Variants in RFFL observed in about 807,000 individuals in gnomAD.
RFFL encodes the protein ring finger and FYVE like domain containing E3 ubiquitin protein ligase, also known as E3 ubiquitin-protein ligase rififylin.
A neutral mutation model predicts 40.4 loss-of-function variants in RFFL; 16 were observed. That is an observed-to-expected ratio of 0.40 (90% CI 0.27 to 0.60). The LOEUF is 0.60. Among genes scored for constraint, RFFL ranks in the 20% least tolerant of loss-of-function variants. The pLI, the probability that RFFL is intolerant of heterozygous loss-of-function variation, is 0.47. For synonymous variants in RFFL, 154 were observed against 167.9 expected, an observed-to-expected ratio of 0.92 and a Z score of 0.64; for missense variants, 367 against 451.7, an observed-to-expected ratio of 0.81 and a Z score of 1.70.
rs2090943123 is a variant in RFFL at position 35,012,064 on chromosome 17, G to T, written c.996C>A (p.Gly332=). 6.2e-7 allele frequency: 1 copy of T among 1,614,152 alleles called. No homozygotes were observed. The highest frequency in any genetic ancestry group is 8.5e-7 in the Non-Finnish European group (1 of 1,180,020). ...CACACTTGGTACAGGTTACCATGTG[G>T]CCACACTCCAGAAGAACACAGTCAA... The part of the protein sequence containing the change: ...SPIDCVLLEC[G]HMVTCTKCGK... The change falls in exon 7 of 7, where the codon GGC becomes GGA. Residue 332 remains glycine, a synonymous_variant. Coordinates refer to ENST00000394597, the MANE Select transcript of RFFL (RefSeq NM_001017368.2).
At chr17:35,078,553 T>C (rs2091388492) in intron 1 of RFFL, among the ~76,000 whole-genome samples, 1 of 152,184 alleles carries the variant, frequency 6.6e-6, no homozygotes, top group Non-Finnish European at 1.5e-5. Flanking sequence ...CTGCCTGCCT[T>C]GGCCTCCCAA....
At chr17:35,026,088 T>C (rs918675567) in intron 2 of RFFL, among the ~76,000 whole-genome samples, 1 of 152,216 alleles carries the variant, frequency 6.6e-6, no homozygotes, top group African/African-American at 2.4e-5. Context: ...ATCATCCCCA[T>C]TTTATAACAG....
chr17:35,016,612 A>G, intron 4 of RFFL, 32 bp from the exon 5 acceptor site: 1 of 1,557,960 alleles, frequency 6.4e-7, no homozygotes, highest in Non-Finnish European at 8.8e-7. Flanking sequence ...CAGTGTGCTC[A>G]GCTCTTACCT....
chr17:35,036,995 C>T (rs142786779), intron 1 of RFFL, among the ~76,000 whole-genome samples: 173 of 152,318 alleles, frequency 1.1e-3, no homozygotes, highest in African/African-American at 3.9e-3. Flanking sequence ...AGGTTCTCAT[C>T]CAATCTATTC....
At chr17:35,055,555 T>C (rs60788407) in intron 1 of RFFL, among the ~76,000 whole-genome samples, 2 of 151,250 alleles carry the variant, frequency 1.3e-5, no homozygotes, top group African/African-American at 4.9e-5. Context: ...ACCTGTAGTC[T>C]AGCTACTCAG....
At chr17:35,022,405 A>G (rs968906760) in intron 2 of RFFL, among the ~76,000 whole-genome samples, 20 of 152,212 alleles carry the variant, frequency 1.3e-4, no homozygotes, top group African/African-American at 4.8e-4. Context: ...TGGTTGTTAC[A>G]ATTAATATTA....
intron 5 of RFFL, among the ~76,000 whole-genome samples, chr17:35,016,131 G>T (rs1268290838): frequency 6.6e-6 from 1 of 152,208 alleles, no homozygotes; most frequent in East Asian, 1.9e-4. Flanking sequence ...AGATAAAGGG[G>T]TGATGCTAAT....
Position 35,009,830 on chromosome 17 carries a change from A to G in RFFL, c.*2138T>C, listed in dbSNP as rs1209761133. 1.2e-4 allele frequency: 19 copies of G among 152,634 alleles called. No homozygotes were observed. The highest frequency in any genetic ancestry group is 1.2e-3 in the Admixed American group (18 of 15,270). The allele number at this position is 152,634 out of a possible 1,614,324, so 9.5% of individuals were successfully genotyped here. On this transcript the variant is annotated 3_prime_UTR_variant, in exon 7 of 7. Coordinates refer to ENST00000394597, the MANE Select transcript of RFFL (RefSeq NM_001017368.2). ...GAGAGCCAGCTTCTGCCCTTAAGTTACTGCTAGATCTTAGCTGAATTGCAC... is the reference window on the plus strand; with the variant it reads ...GAGAGCCAGCTTCTGCCCTTAAGTTGCTGCTAGATCTTAGCTGAATTGCAC...
intron 1 of RFFL, among the ~76,000 whole-genome samples, chr17:35,082,279 G>A (rs1449309257): frequency 6.6e-6 from 1 of 152,176 alleles, no homozygotes; most frequent in African/African-American, 2.4e-5. Flanking sequence ...GAGGGAAAAG[G>A]AGGAGACAGG....
rs917991376 is a variant in RFFL at position 35,009,783 on chromosome 17, C to G, written c.*2185G>C. 5.9e-5 allele frequency: 9 copies of G among 152,580 alleles called. No individual in the cohort carries two copies. The highest frequency in any genetic ancestry group is 5.9e-4 in the Admixed American group (9 of 15,282). The allele number at this position is 152,580 out of a possible 1,614,324, so 9.5% of individuals were successfully genotyped here. A position where few individuals can be genotyped will look rare whatever the true frequency, so the allele number is the denominator to read the frequency against. On this transcript the variant is annotated 3_prime_UTR_variant, in exon 7 of 7. Coordinates refer to ENST00000394597, the MANE Select transcript of RFFL (RefSeq NM_001017368.2). ...AACTGAAGAGGAGGTAAGGCTTCAG[C>G]AGAGAAAGCAGGTTGTAAGTAGAGA...
chr17:35,064,832 AG>A (rs1251428886), upstream of RFFL, among the ~76,000 whole-genome samples: 1 of 152,348 alleles, frequency 6.6e-6, no homozygotes, highest in East Asian at 1.9e-4. Flanking sequence ...ACAGAATTTG[AG>A]TTTAAAAACT....
intron 1 of RFFL, among the ~76,000 whole-genome samples, chr17:35,074,767 A>ATAG (rs1325786450): frequency 2.0e-5 from 3 of 152,248 alleles, no homozygotes; most frequent in African/African-American, 7.2e-5. Context: ...GAAGTATCAC[A>ATAG]TAGCAAAAGA....
intron 1 of RFFL, among the ~76,000 whole-genome samples, chr17:35,049,738 A>C (rs1192254351): frequency 6.6e-6 from 1 of 152,138 alleles, no homozygotes; most frequent in East Asian, 1.9e-4. Flanking sequence ...CTCAGAAAAC[A>C]CTCAAAAGAT....
intron 1 of RFFL, among the ~76,000 whole-genome samples, chr17:35,035,225 A>G (rs899932048): frequency 3.9e-5 from 6 of 152,088 alleles, no homozygotes; most frequent in African/African-American, 7.2e-5. Context: ...CCTGGCTAAC[A>G]TGGTGAAACC....
intron 1 of RFFL, among the ~76,000 whole-genome samples, chr17:35,078,838 G>C (rs2142384825): frequency 6.6e-6 from 1 of 152,124 alleles, no homozygotes; most frequent in Middle Eastern, 3.4e-3. Context: ...AAATTAGCTG[G>C]ATGTGGTGGC....
intron 1 of RFFL, among the ~76,000 whole-genome samples, chr17:35,063,235 C>G (rs1212899218): frequency 1.3e-5 from 2 of 151,968 alleles, no homozygotes; most frequent in Non-Finnish European, 2.9e-5. Context: ...GAGGGTGGAT[C>G]ACCTGAGCTT....
intron 1 of RFFL, among the ~76,000 whole-genome samples, chr17:35,030,409 T>C (rs2091075257): frequency 2.0e-5 from 3 of 151,696 alleles, no homozygotes. Flanking sequence ...TGGTATCTCA[T>C]TGTGGTTTTG....
At chr17:35,026,936 T>C (rs1489963281) in intron 1 of RFFL, among the ~76,000 whole-genome samples, 2 of 152,162 alleles carry the variant, frequency 1.3e-5, no homozygotes, top group Non-Finnish European at 2.9e-5. Context: ...ACTCCTGACC[T>C]TGTGATCGGC....
chr17:35,035,238 G>A lies in RFFL; in HGVS notation c.-8-8677C>T, dbSNP rs138038362. Among the ~76,000 whole-genome samples the A allele has an allele frequency of 3.3e-3, 509 of 152,010 alleles. 2 individuals are homozygous for A. Among genetic ancestry groups the A allele is most frequent in the African/African-American group, 0.012 (488 of 41,448 alleles). ...ATCCTGGCTAACATGGTGAAACCCC[G>A]TCTCTACTAAAAATACAAAAATTAG... On this transcript the variant is annotated intron_variant, in intron 1 of 6. Coordinates refer to ENST00000394597, the MANE Select transcript of RFFL (RefSeq NM_001017368.2).
Sources: gnomAD v4.1 joint callset for allele counts (sites outside exome capture counted in the v4.1 genomes callset) on GRCh38, gnomAD v4.1.1 for gene constraint, MANE v1.5 for transcripts, NCBI Gene and HGNC (gene_info 2026-07-23, HGNC 2026-07-21) for gene names.